GRIK2: variants seen among roughly 807,000 people sequenced by gnomAD.
GRIK2 encodes glutamate receptor ionotropic, kainate 2.
A neutral mutation model predicts 100.3 loss-of-function variants in GRIK2; 32 were observed. That is an observed-to-expected ratio of 0.32 (90% CI 0.24 to 0.43). The LOEUF (loss-of-function observed/expected upper bound fraction) is 0.43. Ranked by LOEUF, GRIK2 falls within the 20% of genes least tolerant of loss-of-function variation. GRIK2 has a pLI of 1.00. For synonymous variants in GRIK2, 417 were observed against 389.4 expected (o/e 1.07, Z -0.83); for missense variants, 843 against 1,114.9 (o/e 0.76, Z 3.47).
chr6:101,476,850 C>G (rs1048763980), intron 2 of GRIK2, among the ~76,000 whole-genome samples: 3 of 152,004 alleles, frequency 2.0e-5, no homozygotes, highest in African/African-American at 7.2e-5. Context: ...TAATTTCTTG[C>G]AATAGTTCAG....
intron 2 of GRIK2, among the ~76,000 whole-genome samples, chr6:101,521,137 C>T (rs1258599999): frequency 6.6e-6 from 1 of 151,946 alleles, no homozygotes; most frequent in African/African-American, 2.4e-5. Flanking sequence ...TCTATAGTTT[C>T]TCTAAAGAAA....
chr6:101,655,715 C>A (rs1412963112), intron 4 of GRIK2, among the ~76,000 whole-genome samples: 1 of 152,048 alleles, frequency 6.6e-6, no homozygotes, highest in African/African-American at 2.4e-5. Context: ...GGGTACCAAC[C>A]AGTGGACATG....
chr6:101,460,308 A>C (rs986590269), intron 2 of GRIK2, among the ~76,000 whole-genome samples: 2 of 152,218 alleles, frequency 1.3e-5, no homozygotes, highest in Non-Finnish European at 2.9e-5. Context: ...TCAAAGGAGA[A>C]AAAGTATCCC....
At chr6:101,805,898 G>C (rs1780974719) in intron 9 of GRIK2, among the ~76,000 whole-genome samples, 1 of 152,054 alleles carries the variant, frequency 6.6e-6, no homozygotes, top group African/African-American at 2.4e-5. Context: ...TGCTTCTGAT[G>C]AATGGGAAAA....
chr6:101,978,761 T>C (rs2128488544), intron 14 of GRIK2, among the ~76,000 whole-genome samples: 1 of 152,122 alleles, frequency 6.6e-6, no homozygotes, highest in Non-Finnish European at 1.5e-5. Flanking sequence ...GTATATAATA[T>C]TTAGAATTAT....
intron 7 of GRIK2, among the ~76,000 whole-genome samples, chr6:101,797,924 A>G (rs1294595913): frequency 1.3e-5 from 2 of 150,570 alleles, no homozygotes; most frequent in Non-Finnish European, 3.0e-5. Context: ...TTTAAGATGT[A>G]TTTAATTTCC....
intron 9 of GRIK2, among the ~76,000 whole-genome samples, chr6:101,813,504 G>A (rs149777450): frequency 1.8e-4 from 28 of 152,208 alleles, no homozygotes; most frequent in African/African-American, 6.5e-4. Context: ...AGAAACTGTG[G>A]CTAGATATCC....
intron 2 of GRIK2, among the ~76,000 whole-genome samples, chr6:101,596,033 A>G (rs1303381163): frequency 2.0e-5 from 3 of 147,494 alleles, no homozygotes; most frequent in Non-Finnish European, 3.0e-5. Context: ...AATTTCTTTT[A>G]CTAACAGAGT....
At chr6:101,840,101 T>G (rs74369484) in intron 10 of GRIK2, among the ~76,000 whole-genome samples, 3,693 of 152,284 alleles carry the variant, frequency 0.024, 164 homozygotes, top group African/African-American at 0.083. Flanking sequence ...CCTGACACTA[T>G]TTCAGTGATT....
At chr6:101,568,415 A>G (rs1056137467) in intron 2 of GRIK2, among the ~76,000 whole-genome samples, 4 of 152,136 alleles carry the variant, frequency 2.6e-5, no homozygotes, top group East Asian at 1.9e-4. Flanking sequence ...TGCAGATTCA[A>G]TCAAGTCTCA....
intron 12 of GRIK2, among the ~76,000 whole-genome samples, chr6:101,912,762 C>T (rs1174148559): frequency 6.6e-6 from 1 of 151,476 alleles, no homozygotes. Context: ...CAGCAGTGGC[C>T]TGAGGTTCTT....
intron 15 of GRIK2, among the ~76,000 whole-genome samples, chr6:102,038,422 T>C (rs1044392489): frequency 1.3e-5 from 2 of 151,388 alleles, no homozygotes; most frequent in African/African-American, 2.4e-5. Context: ...ATGAGACTCA[T>C]ATATTGCTAT....
chr6:101,832,562 C>A (rs1360515679), intron 10 of GRIK2, among the ~76,000 whole-genome samples: 1 of 152,106 alleles, frequency 6.6e-6, no homozygotes, highest in Non-Finnish European at 1.5e-5. Flanking sequence ...GGTGGCCTGG[C>A]ACTCCTATGC....
intron 14 of GRIK2, among the ~76,000 whole-genome samples, chr6:101,951,972 C>T (rs561926862): frequency 2.6e-5 from 4 of 152,180 alleles, no homozygotes; most frequent in African/African-American, 7.2e-5. Flanking sequence ...ATTATCACAA[C>T]GATGTTGGCA....
intron 2 of GRIK2, among the ~76,000 whole-genome samples, chr6:101,596,451 A>C (rs1227077869): frequency 6.6e-6 from 1 of 151,606 alleles, no homozygotes; most frequent in Admixed American, 6.6e-5. Context: ...AGATCACAAC[A>C]ACTCTGTATT....
At chr6:101,971,877 C>T (rs9498771) in intron 14 of GRIK2, among the ~76,000 whole-genome samples, 2,486 of 151,878 alleles carry the variant, frequency 0.016, 73 homozygotes, top group African/African-American at 0.058. Flanking sequence ...ATTAATTCAC[C>T]GAGGATTATG....
chr6:101,916,978 G>T (rs960019620), intron 12 of GRIK2, among the ~76,000 whole-genome samples: 2 of 151,586 alleles, frequency 1.3e-5, no homozygotes, highest in Non-Finnish European at 3.0e-5. Context: ...CACTACAGAT[G>T]TCATGAAAAT....
At chr6:101,822,332 G>A (rs1319573423) in intron 10 of GRIK2, among the ~76,000 whole-genome samples, 1 of 151,542 alleles carries the variant, frequency 6.6e-6, no homozygotes, top group African/African-American at 2.4e-5. Context: ...TATACTAGAT[G>A]TCAGGAGTGG....
In GRIK2 at chr6:101,799,876, T is replaced by A. The variant is rs1213522451; in HGVS notation, c.1095+85T>A. 51 of 1,046,250 alleles carry A rather than the reference T, an allele frequency of 4.9e-5. No individual in the cohort carries two copies. The East Asian group carries it at 1.2e-3, about 24-fold the overall frequency. 64.8% of individuals were successfully genotyped at this position (1,046,250 alleles called of 1,614,324 possible). Reference sequence around the variant, plus strand: ...ATTATTGTGGTTTTTCTAGCAAGTGTCCTTTTACTTTATGTTTAATTTAAA... The same window carrying A: ...ATTATTGTGGTTTTTCTAGCAAGTGACCTTTTACTTTATGTTTAATTTAAA... On this transcript the variant is annotated intron_variant, in intron 8 of 16. Transcript: ENST00000369134.
Sources: allele counts gnomAD v4.1 joint callset (sites outside exome capture counted in the v4.1 genomes callset), GRCh38; gene constraint gnomAD v4.1.1; transcripts MANE v1.5; gene names NCBI Gene and HGNC (gene_info 2026-07-23, HGNC 2026-07-21).